Variants in C19orf47 observed in about 807,000 individuals in gnomAD.
C19orf47 encodes the protein chromosome 19 open reading frame 47.
In C19orf47, 18 loss-of-function variants were observed where a neutral mutation model predicts 32.3. That is an observed-to-expected ratio of 0.56 (90% CI 0.39 to 0.83). The LOEUF is 0.83. Among genes scored for constraint, C19orf47 ranks in the 40% least tolerant of loss-of-function variants. C19orf47 has a pLI of 0.00. For synonymous variants in C19orf47, 202 were observed against 211.1 expected (o/e 0.96, Z 0.37); for missense variants, 484 against 531.6 (o/e 0.91, Z 0.88).
the C19orf47 span, among the ~76,000 whole-genome samples, chr19:40,313,315 G>A: frequency 6.6e-6 from 1 of 152,080 alleles, no homozygotes; most frequent in African/African-American, 2.4e-5. Flanking sequence ...CTATAGTAAT[G>A]TTGCTTTTTT....
rs755172310 is a variant in C19orf47 at position 40,328,548 on chromosome 19, C to A, written c.304G>T (p.Ala102Ser). 2 of 1,603,704 alleles carry A rather than the reference C, an allele frequency of 1.2e-6. No homozygotes were observed. Among genetic ancestry groups the A allele is most frequent in the Non-Finnish European group, 1.7e-6 (2 of 1,176,000 alleles). The change falls in exon 6 of 9, where the codon GCC becomes TCC. Residue 102 changes from alanine (A) to serine (S), a missense_variant and splice_region_variant. Transcript: ENST00000683109. ...AGEIRRGTSAASRMITNSLNH... is the reference protein window; with the variant it reads ...AGEIRRGTSASSRMITNSLNH... The stretch of plus-strand genomic sequence containing the variant: ...AGGCTGTTGGTGATCATTCGGGAGG[C>A]AGCTGTGGGGAGAAAAGGAGAGTCC...
chr19:40,313,755 G>A, the C19orf47 span, among the ~76,000 whole-genome samples: 3 of 152,122 alleles, frequency 2.0e-5, no homozygotes, highest in African/African-American at 4.8e-5. Flanking sequence ...GAGGCAGGAG[G>A]ATCATCTGAG....
At chr19:40,343,737 G>A (rs183142371) in intron 1 of C19orf47, 3 of 151,672 alleles carry the variant, frequency 2.0e-5, no homozygotes, top group African/African-American at 7.3e-5. Flanking sequence ...CCCCACATAT[G>A]AGACTCTCTT....
At chr19:40,328,577 C>T (rs749858681) in intron 5 of C19orf47, 27 bp from the exon 6 acceptor site, 4 of 1,583,532 alleles carry the variant, frequency 2.5e-6, no homozygotes, top group African/African-American at 1.4e-5. Flanking sequence ...AGAGTCCGGT[C>T]GGGTGGGGTC....
At chr19:40,295,298 G>A in the C19orf47 span, among the ~76,000 whole-genome samples, 1 of 152,088 alleles carries the variant, frequency 6.6e-6, no homozygotes, top group Admixed American at 6.6e-5. Context: ...GGGATGACAG[G>A]CGTGAGCCAC....
chr19:40,306,933 G>A, the C19orf47 span, among the ~76,000 whole-genome samples: 4 of 151,590 alleles, frequency 2.6e-5, no homozygotes, highest in Non-Finnish European at 5.9e-5. Context: ...GGGACTACAG[G>A]CGCCCGCCAC....
chr19:40,302,336 C>T, the C19orf47 span, among the ~76,000 whole-genome samples: 1 of 152,154 alleles, frequency 6.6e-6, no homozygotes, highest in Non-Finnish European at 1.5e-5. Flanking sequence ...AGGATCACGG[C>T]TCACTGCAGC....
chr19:40,332,073 A>C (rs151271617), intron 5 of C19orf47, among the ~76,000 whole-genome samples: 121 of 152,304 alleles, frequency 7.9e-4, no homozygotes, highest in African/African-American at 2.8e-3. Context: ...ACTGCTTTTA[A>C]AAACCAAAAA....
chr19:40,330,268 G>A (rs994435151), intron 5 of C19orf47, among the ~76,000 whole-genome samples: 13 of 147,826 alleles, frequency 8.8e-5, no homozygotes, highest in African/African-American at 1.8e-4. Context: ...TCGCTCTGTC[G>A]CCCAGGCTGG....
chr19:40,310,235 CA>C, the C19orf47 span, among the ~76,000 whole-genome samples: 62 of 143,234 alleles, frequency 4.3e-4, no homozygotes, highest in Middle Eastern at 3.5e-3. Context: ...GACTCCATCT[CA>C]AAAAAAAAAA....
In C19orf47 at chr19:40,319,785, C is replaced by T. The variant is rs940587100; in HGVS notation, c.*2097G>A. The T allele has an allele frequency of 4.6e-5, 7 of 153,740 alleles. No homozygotes were observed. The highest frequency in any genetic ancestry group is 1.7e-4 in the African/African-American group (7 of 41,398). 9.5% of individuals were successfully genotyped at this position (153,740 alleles called of 1,614,324 possible). On this transcript the variant is annotated 3_prime_UTR_variant, in exon 9 of 9. Transcript: ENST00000683109. ...ACTCCTGACCTTGTGATCCACCCGC[C>T]TTGGCCTCCCAAACTGCTGGGATTA...
downstream of C19orf47, among the ~76,000 whole-genome samples, chr19:40,315,599 G>A (rs2887290): frequency 0.011 from 1,679 of 152,088 alleles, 18 homozygotes; most frequent in African/African-American, 0.038. Flanking sequence ...TGGTTAACAC[G>A]GTGAAACCCC....
chr19:40,320,347 T>G lies in C19orf47; in HGVS notation c.*1535A>C, dbSNP rs1346417757. The G allele has an allele frequency of 6.4e-6, 1 of 155,830 alleles. No individual in the cohort carries two copies. The highest frequency in any genetic ancestry group is 2.4e-5 in the African/African-American group (1 of 41,446). The allele number at this position is 155,830 out of a possible 1,614,324, so 9.7% of individuals were successfully genotyped here. ...GGGTCACTGTGCACATTCCTCCTCC[T>G]TGATCACAACACCCCCAGCCACCTA... On this transcript the variant is annotated 3_prime_UTR_variant, in exon 9 of 9. Coordinates refer to ENST00000683109, the MANE Select transcript of C19orf47 (RefSeq NM_001256441.2).
chr19:40,326,636 C>G, intron 6 of C19orf47, 150 bp from the exon 7 acceptor site: 1 of 985,764 alleles, frequency 1.0e-6, no homozygotes, highest in Non-Finnish European at 1.5e-6. Flanking sequence ...GACCGAACCA[C>G]AGAGAAACTC....
chr19:40,304,056 A>C, the C19orf47 span, among the ~76,000 whole-genome samples: 2 of 152,122 alleles, frequency 1.3e-5, no homozygotes, highest in Non-Finnish European at 1.5e-5. Flanking sequence ...CAGAGGCCTG[A>C]CTGTGATGGC....
chr19:40,319,322 T>TCA (rs200346806), downstream of C19orf47, among the ~76,000 whole-genome samples: 2 of 69,196 alleles, frequency 2.9e-5, no homozygotes, highest in African/African-American at 1.4e-4. Flanking sequence ...ATTGTAAATT[T>TCA]CACGAGGTAT....
chr19:40,348,193 A>C, intron 1 of C19orf47, 131 bp downstream of exon 1: 1 of 541,380 alleles, frequency 1.8e-6, no homozygotes, highest in Non-Finnish European at 2.8e-6. Context: ...CAGGGGAGGA[A>C]ACTGAGGCTC....
At chr19:40,294,658 C>T in the C19orf47 span, among the ~76,000 whole-genome samples, 2 of 152,168 alleles carry the variant, frequency 1.3e-5, no homozygotes, top group African/African-American at 4.8e-5. Flanking sequence ...TGAGGTGCTC[C>T]TTGGGTCTTG....
chr19:40,341,416 CCTCT>C (rs982717273), intron 2 of C19orf47, among the ~76,000 whole-genome samples: 1 of 152,116 alleles, frequency 6.6e-6, no homozygotes, highest in Non-Finnish European at 1.5e-5. Context: ...CACCAACTAA[CCTCT>C]GTGCCTTAGC....
Sources: allele counts gnomAD v4.1 joint callset (sites outside exome capture counted in the v4.1 genomes callset), GRCh38; gene constraint gnomAD v4.1.1; transcripts MANE v1.5; gene names NCBI Gene and HGNC (gene_info 2026-07-23, HGNC 2026-07-21).